SPEN: variants seen among roughly 807,000 people sequenced by gnomAD.
SPEN encodes the protein spen family transcriptional repressor, also known as msx2-interacting protein.
A neutral mutation model predicts 269.9 loss-of-function variants in SPEN; 18 were observed. The observed-to-expected ratio is 0.07, with a 90% CI of 0.05 to 0.10. The LOEUF is 0.10. Ranked by LOEUF, SPEN falls within the 10% of genes least tolerant of loss-of-function variation. The pLI, the probability that SPEN is intolerant of heterozygous loss-of-function variation, is 1.00. For missense variants in SPEN, 3,822 were observed against 4,631.2 expected, an observed-to-expected ratio of 0.83 and a Z score of 5.07; for synonymous variants, 1,726 against 1,765.7, an observed-to-expected ratio of 0.98 and a Z score of 0.56.
At position 15,920,853 on chromosome 1, in the gene SPEN, G is replaced by C. The variant is rs749971929; in HGVS notation, c.1636-17G>C. The C allele has an allele frequency of 6.6e-7, 1 of 1,514,818 alleles. No individual in the cohort carries two copies. Among genetic ancestry groups the C allele is most frequent in the African/African-American group, 1.4e-5 (1 of 71,494 alleles). The allele number at this position is 1,514,818 out of a possible 1,614,324, so 93.8% of individuals were successfully genotyped here. On this transcript the variant is annotated splice_polypyrimidine_tract_variant and intron_variant, in intron 8 of 14. Transcript: ENST00000375759. ...TGGATGAGGCTCTTACTTGTTTTTT[G>C]TTTGTTTGTTTTACAGGTGGTGTTT...
At chr1:15,879,893 A>G (rs2070670321) in intron 3 of SPEN, among the ~76,000 whole-genome samples, 1 of 152,004 alleles carries the variant, frequency 6.6e-6, no homozygotes, top group Non-Finnish European at 1.5e-5. Flanking sequence ...GATGGTCTTG[A>G]TCTCCTGACC....
chr1:15,867,565 T>C (rs887756052), intron 1 of SPEN, among the ~76,000 whole-genome samples: 4 of 152,158 alleles, frequency 2.6e-5, no homozygotes, highest in South Asian at 2.1e-4. Flanking sequence ...TTGGCTGTTA[T>C]GAAAAATGCT....
In SPEN at chr1:15,940,240, G is replaced by A; in HGVS notation, c.*813G>A. On this transcript the variant is annotated 3_prime_UTR_variant, in exon 15 of 15. Coordinates refer to ENST00000375759, the MANE Select transcript of SPEN (RefSeq NM_015001.3). ...CAGACTTTGTATTGCCCACTCATTT[G>A]TATAAGTGCGCTTCGGTACAGCACG... 4.3e-6 allele frequency: 1 copy of A among 232,794 alleles called. No individual in the cohort carries two copies. Among genetic ancestry groups the A allele is most frequent in the Non-Finnish European group, 8.5e-6 (1 of 117,616 alleles). The allele number at this position is 232,794 out of a possible 1,614,324, so 14.4% of individuals were successfully genotyped here.
At chr1:15,872,651 T>C (rs1315449837) in intron 1 of SPEN, among the ~76,000 whole-genome samples, 165 bp from the exon 2 acceptor site, 1 of 151,946 alleles carries the variant, frequency 6.6e-6, no homozygotes, top group African/African-American at 2.4e-5. Context: ...ATACAGATAT[T>C]TTCCCCAGAG....
intron 10 of SPEN, 98 bp from the exon 11 acceptor site, chr1:15,927,993 G>T: frequency 5.2e-6 from 6 of 1,154,214 alleles, no homozygotes; most frequent in Non-Finnish European, 7.3e-6. Context: ...AATGTCAAAA[G>T]ATTTTTTAGA....
chr1:15,876,181 T>G, intron 2 of SPEN, 21 bp from the exon 3 acceptor site: 1 of 1,578,430 alleles, frequency 6.3e-7, no homozygotes, highest in Non-Finnish European at 8.7e-7. Flanking sequence ...GATTAAATAT[T>G]TTTCCCCCTC....
At position 15,909,443 on chromosome 1, in the gene SPEN, T is replaced by C; in HGVS notation, c.1004T>C (p.Phe335Ser). The change falls in exon 4 of 15, where the codon TTT becomes TCT. Residue 335 changes from phenylalanine (F) to serine (S), a missense_variant. Phe to Ser is a radical substitution (Grantham distance 155). This residue lies in a region of SPEN where 230 missense variants were observed against 426.1 expected (regional missense o/e 0.54). Transcript: ENST00000375759. ...GAAAAAGATGAGCCCCGTAAAAGTT[T>C]TGGCATCAAGGTCCAGAATCTTCCA... ...SLEKDEPRKS[F>S]GIKVQNLPVR... is the part of the protein sequence containing the mutation. 2 of 1,614,200 alleles carry C rather than the reference T, an allele frequency of 1.2e-6. No individual in the cohort carries two copies. The highest frequency in any genetic ancestry group is 1.7e-6 in the Non-Finnish European group (2 of 1,180,034).
At chr1:15,896,229 T>G (rs2070841193) in intron 3 of SPEN, among the ~76,000 whole-genome samples, 1 of 125,704 alleles carries the variant, frequency 8.0e-6, no homozygotes, top group Non-Finnish European at 1.6e-5. Context: ...ACAGTCTCAC[T>G]CTGTCACCCA....
chr1:15,916,152 G>A lies in SPEN; in HGVS notation c.1268G>A (p.Arg423His), dbSNP rs777234386. ...GAAACAGAAAGTGAAAATGAATTTC[G>A]CCCCTTGGATGAAAGGATAGATGAA... ...GPETESENEF[R>H]PLDERIDEFH... The change falls in exon 6 of 15, where the codon CGC becomes CAC. Residue 423 changes from arginine (R) to histidine (H), a missense_variant. Transcript: ENST00000375759. The A allele has an allele frequency of 6.2e-7, 1 of 1,609,572 alleles. No homozygotes were observed. Among genetic ancestry groups the A allele is most frequent in the Non-Finnish European group, 8.5e-7 (1 of 1,178,244 alleles).
chr1:15,868,264 C>A (rs1298619229), intron 1 of SPEN, among the ~76,000 whole-genome samples: 1 of 151,666 alleles, frequency 6.6e-6, no homozygotes, highest in African/African-American at 2.4e-5. Flanking sequence ...CACCTGGCCT[C>A]CCAAAGCTTT....
intron 2 of SPEN, chr1:15,874,497 A>T: frequency 1.2e-6 from 1 of 856,236 alleles, no homozygotes; most frequent in Non-Finnish European, 1.6e-6. Flanking sequence ...CTAATAGTGA[A>T]TCAGAGAATA....
Position 15,930,898 on chromosome 1 carries a change from C to T in SPEN, c.4658C>T (p.Ser1553Phe), listed in dbSNP as rs1432776799. ...LQHLERKEED[S>F]DFISGRIYGK... is the part of the protein sequence containing the mutation. Reference sequence around the variant, plus strand: ...CATCTAGAGAGAAAAGAGGAAGATTCTGACTTCATTTCTGGTAGGATCTAT... The same window carrying T: ...CATCTAGAGAGAAAAGAGGAAGATTTTGACTTCATTTCTGGTAGGATCTAT... The change falls in exon 11 of 15, where the codon TCT becomes TTT. Residue 1553 changes from serine to phenylalanine, a missense_variant. Physicochemically the swap from Ser to Phe is radical, Grantham distance 155 (BLOSUM62 -2). This residue lies in a region of SPEN where 533 missense variants were observed against 618.8 expected (regional missense o/e 0.86). Coordinates refer to ENST00000375759, the MANE Select transcript of SPEN (RefSeq NM_015001.3). This position sits in a 1 kb window ranked among gnomAD's most constrained non-coding sequence, Gnocchi z 5.3. 3.1e-6 allele frequency: 5 copies of T among 1,613,946 alleles called. No individual in the cohort carries two copies. The highest frequency in any genetic ancestry group is 1.3e-5 in the African/African-American group (1 of 74,922).
rs200093315 is a variant in SPEN, at chr1:15,936,009, C to G, written c.9769C>G (p.Pro3257Ala). The G allele has an allele frequency of 6.4e-7, 1 of 1,557,374 alleles. No homozygotes were observed. The highest frequency in any genetic ancestry group is 1.4e-5 in the African/African-American group (1 of 71,164). ...CCCCGTCCCTGTCCCTGTCCCCCTT[C>G]CTGCCCCTGCTCCTGCCCCTCATGG... is the stretch of plus-strand genomic sequence containing the variant. The part of the protein sequence containing the change: ...PAPVPVPVPL[P>A]APAPAPHGEA... The change falls in exon 11 of 15, where the codon CCT becomes GCT. Residue 3257 changes from proline to alanine, a missense_variant. Around this residue, in one of 16 missense-constraint regions of SPEN, gnomAD observed 359 missense variants for 377.3 expected, o/e 0.95. Coordinates refer to ENST00000375759, the MANE Select transcript of SPEN (RefSeq NM_015001.3).
At chr1:15,911,026 A>C in intron 4 of SPEN, 75 bp from the exon 5 acceptor site, 1 of 1,264,920 alleles carries the variant, frequency 7.9e-7, no homozygotes. Context: ...AATCAGGCTA[A>C]AGATTTAGTA....
chr1:15,893,491 G>A (rs1213320404), intron 3 of SPEN, among the ~76,000 whole-genome samples: 8 of 152,190 alleles, frequency 5.3e-5, no homozygotes, highest in East Asian at 1.9e-4. Flanking sequence ...TGAGTAATTC[G>A]TAGTCATTTA....
At chr1:15,905,172 G>C (rs2070943753) in intron 3 of SPEN, among the ~76,000 whole-genome samples, 1 of 151,458 alleles carries the variant, frequency 6.6e-6, no homozygotes. Context: ...ACAGGTGTGA[G>C]CCACTGCGTC....
chr1:15,915,677 GGCGT>G (rs1475095109), intron 5 of SPEN, among the ~76,000 whole-genome samples: 2 of 152,000 alleles, frequency 1.3e-5, no homozygotes, highest in African/African-American at 4.8e-5. Context: ...TGAGAATACA[GGCGT>G]GCGCCACCAT....
Position 15,928,813 on chromosome 1 carries a change from G to T in SPEN, c.2573G>T (p.Ser858Ile). ...AAGCCCAGGAGTTGTAATAAACTGA[G>T]CAGAGAGAAAGCTGACAAAGAGGGA... is the stretch of plus-strand genomic sequence containing the variant. Reference protein sequence around the residue: ...PEKPRSCNKLSREKADKEGIA... With the variant: ...PEKPRSCNKLIREKADKEGIA... Residue 858 changes from serine to isoleucine, a missense_variant, in exon 11 of 15, where the codon AGC becomes ATC. Physicochemically the swap from Ser to Ile is moderately radical, Grantham distance 142. Transcript: ENST00000375759. This position sits in a 1 kb window ranked among gnomAD's most constrained non-coding sequence, Gnocchi z 5.7. The T allele has an allele frequency of 6.2e-7, 1 of 1,614,138 alleles. No homozygotes were observed. Among genetic ancestry groups the T allele is most frequent in the Non-Finnish European group, 8.5e-7 (1 of 1,180,020 alleles).
intron 1 of SPEN, among the ~76,000 whole-genome samples, chr1:15,865,054 ATTTTAAT>A: frequency 7.4e-6 from 1 of 135,080 alleles, no homozygotes; most frequent in South Asian, 2.9e-4. Flanking sequence ...TTTAATCTTA[ATTTTAAT>A]TTTTTTTTGA....
Sources: allele counts gnomAD v4.1 joint callset (sites outside exome capture counted in the v4.1 genomes callset), GRCh38; gene constraint gnomAD v4.1.1; regional missense constraint gnomAD v4.1.1; non-coding constraint Gnocchi (gnomAD v3.1); transcripts MANE v1.5; gene names NCBI Gene and HGNC (gene_info 2026-07-23, HGNC 2026-07-21).